Variants in MGAT4A observed in about 807,000 individuals in gnomAD.
MGAT4A encodes the protein N-acetylglucosaminyltransferase IVa.
Under a neutral mutation model 74.1 loss-of-function variants are expected in MGAT4A, and 33 were observed. The observed-to-expected ratio is 0.45, with a 90% CI of 0.34 to 0.60. MGAT4A has a LOEUF of 0.60. MGAT4A is among the 20% of genes least tolerant of loss of function. The probability of loss-of-function intolerance (pLI) is 0.02; values close to 1 mark genes in which losing one functional copy is unlikely to be tolerated. For missense variants in MGAT4A, 479 were observed against 628.3 expected, an observed-to-expected ratio of 0.76 and a Z score of 2.54; for synonymous variants, 198 against 210.4, an observed-to-expected ratio of 0.94 and a Z score of 0.51.
At chr2:98,693,489 A>C (rs1387048424) in intron 2 of MGAT4A, among the ~76,000 whole-genome samples, 3 of 152,164 alleles carry the variant, frequency 2.0e-5, no homozygotes, top group Non-Finnish European at 4.4e-5. Flanking sequence ...TGTAAAAGAA[A>C]TATTTAAAAC....
intron 14 of MGAT4A, among the ~76,000 whole-genome samples, chr2:98,627,198 T>A (rs1701156487): frequency 6.6e-6 from 1 of 152,176 alleles, no homozygotes; most frequent in Non-Finnish European, 1.5e-5. Context: ...TGCTTCCTGT[T>A]TTAACTTTTG....
chr2:98,655,442 T>G lies in MGAT4A; in HGVS notation c.774+3A>C. On this transcript the variant is annotated splice_donor_region_variant and intron_variant, in intron 8 of 15. Transcript: ENST00000393487. ...TGAAAAACAAAGGAAAAACTACACT[T>G]ACCTGAATGTAATATATGCCCTTTT... 6.3e-7 allele frequency: 1 copy of G among 1,592,628 alleles called. No individual in the cohort carries two copies. Among genetic ancestry groups the G allele is most frequent in the South Asian group, 1.1e-5 (1 of 88,252 alleles).
In MGAT4A at chr2:98,635,231, A is replaced by G. The variant is rs1325648245; in HGVS notation, c.1459T>C (p.Phe487Leu). 1 of 1,608,408 alleles carries G rather than the reference A, an allele frequency of 6.2e-7. No homozygotes were observed. The highest frequency in any genetic ancestry group is 1.3e-5 in the African/African-American group (1 of 74,688). The change falls in exon 14 of 16, where the codon TTC (phenylalanine) becomes CTC (leucine). Residue 487 changes from phenylalanine (F) to leucine (L), a missense_variant. Phe to Leu is a conservative substitution (Grantham distance 22). Around this residue, in one of 3 missense-constraint regions of MGAT4A, gnomAD observed 236 missense variants for 308.2 expected, o/e 0.77. Transcript: ENST00000393487. ...CTAAAGTAGATATTACCTATTCTGAAATAGCCATCTTCTAATCGTTTGTCT... is the reference window on the plus strand; with the variant it reads ...CTAAAGTAGATATTACCTATTCTGAGATAGCCATCTTCTAATCGTTTGTCT... ...TKDKRLEDGYFRIGKFENGVA... is the reference protein window; with the variant it reads ...TKDKRLEDGYLRIGKFENGVA...
At chr2:98,666,090 G>T (rs896803425) in intron 4 of MGAT4A, among the ~76,000 whole-genome samples, 3 of 152,200 alleles carry the variant, frequency 2.0e-5, no homozygotes, top group African/African-American at 7.2e-5. Flanking sequence ...AAGCACTTTG[G>T]AAGAGTGGTT....
intron 4 of MGAT4A, among the ~76,000 whole-genome samples, chr2:98,671,285 T>C (rs1330637455): frequency 6.6e-6 from 1 of 152,242 alleles, no homozygotes; most frequent in Non-Finnish European, 1.5e-5. Context: ...TATCTGGTTT[T>C]TCATTATCTA....
chr2:98,635,001 T>A (rs930045028), intron 14 of MGAT4A, among the ~76,000 whole-genome samples: 1 of 152,018 alleles, frequency 6.6e-6, no homozygotes, highest in African/African-American at 2.4e-5. Flanking sequence ...AACAAGAGCA[T>A]GACACACAGC....
In MGAT4A at chr2:98,656,399, G is replaced by A. The variant is rs368283385; in HGVS notation, c.651C>T (p.Asp217=). The A allele has an allele frequency of 6.2e-7, 1 of 1,612,584 alleles. No individual in the cohort carries two copies. The highest frequency in any genetic ancestry group is 8.5e-7 in the Non-Finnish European group (1 of 1,179,118). ...VISPPESYYP[D]LTNLKETFGD... The stretch of plus-strand genomic sequence containing the variant: ...CAAATGTCTCCTTTAGGTTTGTCAA[G>A]TCAGGATAATAGCTTTCAGGGGGTG... Residue 217 remains aspartate, a synonymous_variant, in exon 7 of 16, where the codon GAC becomes GAT. Coordinates refer to ENST00000393487, the MANE Select transcript of MGAT4A (RefSeq NM_012214.3).
chr2:98,640,315 T>C, intron 10 of MGAT4A, 87 bp from the exon 11 acceptor site: 3 of 1,158,284 alleles, frequency 2.6e-6, no homozygotes, highest in Middle Eastern at 2.1e-4. Flanking sequence ...TTTATTAAAA[T>C]ATTGAAAAGA....
intron 2 of MGAT4A, among the ~76,000 whole-genome samples, chr2:98,720,206 C>G (rs776574677): frequency 1.3e-5 from 2 of 152,180 alleles, no homozygotes; most frequent in African/African-American, 4.8e-5. Flanking sequence ...AATGCCCAGA[C>G]AGCTGATAAA....
intron 2 of MGAT4A, among the ~76,000 whole-genome samples, chr2:98,708,073 T>C (rs1032850070): frequency 6.6e-6 from 1 of 152,292 alleles, no homozygotes; most frequent in Admixed American, 6.5e-5. Flanking sequence ...CCAAAATATA[T>C]AAGTTAAGCC....
rs1701025244 is a variant in MGAT4A, at chr2:98,620,092, GGTGAAGGA to G, written c.*5466_*5473del. On this transcript the variant is annotated 3_prime_UTR_variant, in exon 16 of 16. Transcript: ENST00000393487. Reference sequence around the variant, plus strand: ...AATGATCTAGTTAGTGCCCAAACCGGGTGAAGGAGTGTTTCAGGTAAGAAGAAGAGTTT... The same window carrying G: ...AATGATCTAGTTAGTGCCCAAACCGGGTGTTTCAGGTAAGAAGAAGAGTTT... 1 of 152,094 alleles carries G rather than the reference GGTGAAGGA, an allele frequency of 6.6e-6. No homozygotes were observed. Among genetic ancestry groups the G allele is most frequent in the African/African-American group, 2.4e-5 (1 of 41,396 alleles). 9.4% of individuals were successfully genotyped at this position (152,094 alleles called of 1,614,324 possible).
intron 8 of MGAT4A, 66 bp from the exon 9 acceptor site, chr2:98,645,608 T>C (rs556691362): frequency 2.9e-4 from 335 of 1,152,060 alleles, no homozygotes; most frequent in Non-Finnish European, 3.8e-4. Context: ...AAGGATATTA[T>C]TATGGAAAAA....
At chr2:98,666,572 AG>A (rs1428272086) in intron 4 of MGAT4A, among the ~76,000 whole-genome samples, 1 of 152,036 alleles carries the variant, frequency 6.6e-6, no homozygotes, top group African/African-American at 2.4e-5. Context: ...GCATGCCTGT[AG>A]TCCTAGCTAC....
chr2:98,689,342 T>C (rs1702166686), intron 2 of MGAT4A, among the ~76,000 whole-genome samples: 1 of 152,166 alleles, frequency 6.6e-6, no homozygotes, highest in Non-Finnish European at 1.5e-5. Flanking sequence ...GCAGGTAGTA[T>C]CACTATAGAC....
intron 14 of MGAT4A, among the ~76,000 whole-genome samples, chr2:98,633,350 G>A (rs951932981): frequency 2.0e-5 from 3 of 152,190 alleles, no homozygotes; most frequent in Admixed American, 2.0e-4. Context: ...GTCTCCCCGA[G>A]CTGGGGGTAC....
At chr2:98,661,397 T>C (rs996844616) in intron 5 of MGAT4A, among the ~76,000 whole-genome samples, 14 of 152,190 alleles carry the variant, frequency 9.2e-5, no homozygotes, top group African/African-American at 3.4e-4. Context: ...TCTCTGTTTG[T>C]AGAACTTAAA....
intron 5 of MGAT4A, among the ~76,000 whole-genome samples, chr2:98,660,365 GA>G: frequency 1.3e-5 from 2 of 148,928 alleles, no homozygotes; most frequent in Middle Eastern, 7.1e-3. Context: ...TCAGAAATGG[GA>G]AAAAAATCCT....
chr2:98,632,855 G>A (rs948574516), intron 14 of MGAT4A, among the ~76,000 whole-genome samples: 3 of 152,206 alleles, frequency 2.0e-5, no homozygotes, highest in Non-Finnish European at 4.4e-5. Context: ...CCTGCGTTGG[G>A]TTCAAGCAAT....
At position 98,656,361 on chromosome 2, in the gene MGAT4A, T is replaced by C; in HGVS notation, c.689A>G (p.Glu230Gly). 2 of 1,590,616 alleles carry C rather than the reference T, an allele frequency of 1.3e-6. No homozygotes were observed. The highest frequency in any genetic ancestry group is 1.7e-6 in the Non-Finnish European group (2 of 1,159,874). ...AACGGCACATGCTCACCTTACTCTT[T>C]CTTTGGAGTCTCCAAATGTCTCCTT... ...NLKETFGDSK[E>G]RVRWRTKQNL... is the part of the protein sequence containing the mutation. The change falls in exon 7 of 16, where the codon GAA (glutamate) becomes GGA (glycine). Residue 230 changes from glutamate to glycine, a missense_variant. This residue lies in a region of MGAT4A where 38 missense variants were observed against 87.4 expected (regional missense o/e 0.43). Transcript: ENST00000393487.
Sources: gnomAD v4.1 joint callset for allele counts (sites outside exome capture counted in the v4.1 genomes callset) on GRCh38, gnomAD v4.1.1 for gene constraint, gnomAD v4.1.1 regional missense constraint, MANE v1.5 for transcripts, NCBI Gene and HGNC (gene_info 2026-07-23, HGNC 2026-07-21) for gene names.